The following CACNA1C variants were observed in gnomAD, a reference collection of about 807,000 sequenced individuals.
CACNA1C encodes voltage-dependent L-type calcium channel subunit alpha-1C.
Under a neutral mutation model 229.0 loss-of-function variants are expected in CACNA1C, and 30 were observed. That is an observed-to-expected ratio of 0.13 (90% CI 0.10 to 0.18). The LOEUF (loss-of-function observed/expected upper bound fraction) is 0.18. Among genes scored for constraint, CACNA1C ranks in the 10% least tolerant of loss-of-function variants. The pLI is 1.00. For synonymous variants in CACNA1C, 1,114 were observed against 1,132.5 expected (o/e 0.98, Z 0.33); for missense variants, 1,658 against 2,845.0 (o/e 0.58, Z 9.49).
chr12:2,409,295 C>T (rs2098778339), intron 3 of CACNA1C, among the ~76,000 whole-genome samples: 2 of 152,210 alleles, frequency 1.3e-5, no homozygotes, highest in African/African-American at 4.8e-5. Flanking sequence ...CGTCTCCTTC[C>T]CCTAGATGTT....
At chr12:2,572,118 TC>T (rs1197508341) in intron 13 of CACNA1C, among the ~76,000 whole-genome samples, 1 of 150,566 alleles carries the variant, frequency 6.6e-6, no homozygotes, top group Non-Finnish European at 1.5e-5. Context: ...ATGAAGGAGT[TC>T]ATTAAGGAGC....
chr12:2,012,872 G>A lies in CACNA1C; in HGVS notation c.139+41671G>A, dbSNP rs968780882. Among the ~76,000 whole-genome samples the A allele has an allele frequency of 2.0e-5, 3 of 152,274 alleles. 1 individual carries two copies. In the South Asian group the frequency reaches 6.2e-4, roughly 32 times the overall value. On this transcript the variant is annotated intron_variant, in intron 1 of 46. Transcript: ENST00000682462. ...GCTCCCTTGAGATCCATTGTAATTG[G>A]ATGTGACCTGTATTTCTACTCCAGT...
rs750984838 is a variant in CACNA1C, at chr12:2,680,519, C to T, written c.5444+723C>T. Reference sequence around the variant, plus strand: ...TGCCTGGCCACGCTTCACTGTGCTGCTCTTCCAGAGTAGGAGAGTGGCTCC... The same window carrying T: ...TGCCTGGCCACGCTTCACTGTGCTGTTCTTCCAGAGTAGGAGAGTGGCTCC... On this transcript the variant is annotated intron_variant, in intron 42 of 46. Coordinates refer to ENST00000399655, the MANE Select transcript of CACNA1C (RefSeq NM_000719.7). 3.7e-5 allele frequency: 59 copies of T among 1,573,888 alleles called. No individual in the cohort carries two copies. The Admixed American group carries it at 1.1e-3, about 29-fold the overall frequency.
chr12:2,691,138 C>A lies in CACNA1C; in HGVS notation c.6356C>A (p.Ala2119Glu), dbSNP rs1174127261. The A allele has an allele frequency of 3.1e-6, 5 of 1,606,858 alleles. No individual in the cohort carries two copies. The highest frequency in any genetic ancestry group is 4.3e-6 in the Non-Finnish European group (5 of 1,174,930). ...GGEEDAGCVR[A>E]RGRPSEEELQ... Reference sequence around the variant, plus strand: ...GAAGAGGACGCGGGCTGTGTGCGCGCGCGGGGTCGACCGAGTGAGGAGGAG... The same window carrying A: ...GAAGAGGACGCGGGCTGTGTGCGCGAGCGGGGTCGACCGAGTGAGGAGGAG... Residue 2119 changes from alanine to glutamate, a missense_variant, in exon 47 of 47, where the codon GCG becomes GAG. Physicochemically the swap from Ala to Glu is moderately radical, Grantham distance 107 (BLOSUM62 -1). Transcript: ENST00000399655.
At chr12:2,626,129 T>C (rs1293548981) in intron 29 of CACNA1C, among the ~76,000 whole-genome samples, 3 of 152,166 alleles carry the variant, frequency 2.0e-5, no homozygotes, top group African/African-American at 7.2e-5. Flanking sequence ...TTCAAGAGTG[T>C]GGGTGCAGGT....
rs113534289 is a variant in CACNA1C, at chr12:2,229,882, C to T, written c.477+109452C>T. Among the ~76,000 whole-genome samples, 628 of 152,228 alleles carry T rather than the reference C, an allele frequency of 4.1e-3. 12 individuals are homozygous for T. The highest frequency in any genetic ancestry group is 0.033 in the South Asian group (158 of 4,820). ...CACGGTGAGCACGGCAGCTTTTGCC[C>T]GGAAGGAGGCCAGAGCCATTGCAGA... On this transcript the variant is annotated intron_variant, in intron 3 of 46. Transcript: ENST00000399655.
intron 9 of CACNA1C, among the ~76,000 whole-genome samples, chr12:2,519,691 G>C (rs540560831): frequency 1.3e-5 from 2 of 152,300 alleles, no homozygotes; most frequent in South Asian, 4.1e-4. Context: ...TGTGTACTGG[G>C]GCTCTGCAGT....
chr12:2,634,793 TC>T (rs2092181056), intron 30 of CACNA1C, among the ~76,000 whole-genome samples: 1 of 152,224 alleles, frequency 6.6e-6, no homozygotes, highest in Middle Eastern at 3.4e-3. Context: ...GCCACTGCCT[TC>T]CCTACTCTCT....
chr12:2,193,023 A>C (rs142444043), intron 3 of CACNA1C, among the ~76,000 whole-genome samples: 49 of 152,338 alleles, frequency 3.2e-4, no homozygotes, highest in African/African-American at 1.2e-3. Flanking sequence ...CATTCCATGT[A>C]GGTTTGCATT....
At chr12:2,185,543 A>T (rs998599406) in intron 3 of CACNA1C, among the ~76,000 whole-genome samples, 1 of 152,200 alleles carries the variant, frequency 6.6e-6, no homozygotes, top group African/African-American at 2.4e-5. Flanking sequence ...ATATGATTGG[A>T]TTTATAAAAA....
At chr12:2,038,705 T>A (rs1286557467) in intron 1 of CACNA1C, among the ~76,000 whole-genome samples, 2 of 152,232 alleles carry the variant, frequency 1.3e-5, no homozygotes, top group African/African-American at 4.8e-5. Flanking sequence ...CGGGCAGCTT[T>A]GACATGTGAC....
At chr12:2,198,160 G>A (rs969950464) in intron 3 of CACNA1C, among the ~76,000 whole-genome samples, 4 of 152,136 alleles carry the variant, frequency 2.6e-5, no homozygotes, top group African/African-American at 4.8e-5. Flanking sequence ...AGCACAGTGC[G>A]GCCCACAGCA....
intron 7 of CACNA1C, among the ~76,000 whole-genome samples, chr12:2,495,970 C>A (rs767177639): frequency 3.9e-5 from 6 of 152,216 alleles, no homozygotes; most frequent in Non-Finnish European, 5.9e-5. Context: ...CCTCCCTCTC[C>A]CTCTTCCTTT....
intron 3 of CACNA1C, among the ~76,000 whole-genome samples, chr12:2,172,076 T>C (rs1424605809): frequency 6.6e-6 from 1 of 152,204 alleles, no homozygotes; most frequent in East Asian, 1.9e-4. Context: ...TAAACTCCTA[T>C]TGTGCCTAGA....
chr12:2,032,629 T>A (rs2048418473), intron 1 of CACNA1C, among the ~76,000 whole-genome samples: 1 of 152,210 alleles, frequency 6.6e-6, no homozygotes, highest in East Asian at 1.9e-4. Flanking sequence ...AATATTTTTA[T>A]GCAGAACCCG....
intron 9 of CACNA1C, among the ~76,000 whole-genome samples, chr12:2,530,492 C>A (rs2099838318): frequency 6.6e-6 from 1 of 152,222 alleles, no homozygotes; most frequent in African/African-American, 2.4e-5. Context: ...CTAAAGATTT[C>A]TTCTTGCCCT....
At chr12:2,532,216 G>A (rs532843579) in intron 9 of CACNA1C, among the ~76,000 whole-genome samples, 53 of 152,278 alleles carry the variant, frequency 3.5e-4, no homozygotes, top group African/African-American at 1.2e-3. Context: ...TGAGGGAAGC[G>A]CTGAGCTGCT....
chr12:2,463,663 C>T (rs1454653006), intron 5 of CACNA1C, among the ~76,000 whole-genome samples: 1 of 152,126 alleles, frequency 6.6e-6, no homozygotes, highest in Non-Finnish European at 1.5e-5. Flanking sequence ...CAGGAAATCA[C>T]ACAAAGGAAG....
At chr12:2,331,654 G>GA (rs1251353257) in intron 3 of CACNA1C, among the ~76,000 whole-genome samples, 1 of 152,216 alleles carries the variant, frequency 6.6e-6, no homozygotes, top group Non-Finnish European at 1.5e-5. Context: ...TTTTCCTTAG[G>GA]ACATAATGCC....
Sources: gnomAD v4.1 joint callset for allele counts (sites outside exome capture counted in the v4.1 genomes callset) on GRCh38, gnomAD v4.1.1 for gene constraint, MANE v1.5 for transcripts, NCBI Gene and HGNC (gene_info 2026-07-23, HGNC 2026-07-21) for gene names.